Variants in SPOCK1 observed in about 807,000 individuals in gnomAD.
SPOCK1 encodes the protein SPARC (osteonectin), cwcv and kazal like domains proteoglycan 1.
In SPOCK1, 23 loss-of-function variants were observed where a neutral mutation model predicts 55.3. The observed-to-expected ratio is 0.42, with a 90% CI of 0.30 to 0.59. The LOEUF (loss-of-function observed/expected upper bound fraction) is 0.59. SPOCK1 is among the 20% of genes least tolerant of loss of function. SPOCK1 has a pLI of 0.22. For synonymous variants in SPOCK1, 226 were observed against 221.0 expected (o/e 1.02, Z -0.20); for missense variants, 499 against 552.5 (o/e 0.90, Z 0.97).
intron 4 of SPOCK1, among the ~76,000 whole-genome samples, chr5:137,134,213 T>TGAG (rs1753938638): frequency 6.6e-6 from 1 of 152,202 alleles, no homozygotes. Context: ...CAGACTGTTG[T>TGAG]GAGAAGTCAG....
At chr5:137,083,167 G>A (rs1264645869) in intron 5 of SPOCK1, among the ~76,000 whole-genome samples, 3 of 152,182 alleles carry the variant, frequency 2.0e-5, no homozygotes, top group Non-Finnish European at 4.4e-5. Flanking sequence ...TCACATTGTG[G>A]CGCCCTCATC....
At chr5:137,158,532 T>A (rs1208273393) in intron 3 of SPOCK1, among the ~76,000 whole-genome samples, 2 of 152,208 alleles carry the variant, frequency 1.3e-5, no homozygotes, top group African/African-American at 4.8e-5. Context: ...GGGCAAGTTA[T>A]CACACTGAAC....
At chr5:137,179,222 C>T (rs566589399) in intron 3 of SPOCK1, among the ~76,000 whole-genome samples, 40 of 152,270 alleles carry the variant, frequency 2.6e-4, no homozygotes, top group Admixed American at 1.4e-3. Flanking sequence ...GGTTTCTACC[C>T]ATATCCAGTG....
Position 136,977,830 on chromosome 5 carries a change from G to C in SPOCK1, c.*824C>G. On this transcript the variant is annotated 3_prime_UTR_variant, in exon 11 of 11. Coordinates refer to ENST00000394945, the MANE Select transcript of SPOCK1 (RefSeq NM_004598.4). ...TGCAGGCTACAAGAGCCAACTGTTA[G>C]TGCAAAAAAGGACTTTAATACAAAT... 1 of 398,874 alleles carries C rather than the reference G, an allele frequency of 2.5e-6. No homozygotes were observed. 24.7% of individuals were successfully genotyped at this position (398,874 alleles called of 1,614,324 possible). A position where few individuals can be genotyped will look rare whatever the true frequency, so the allele number is the denominator to read the frequency against.
chr5:137,069,114 A>G (rs1305559233), intron 5 of SPOCK1, among the ~76,000 whole-genome samples: 1 of 152,254 alleles, frequency 6.6e-6, no homozygotes, highest in African/African-American at 2.4e-5. Context: ...TTGCAAAGCC[A>G]CACACGAGTG....
At chr5:137,038,830 AC>A (rs1751933060) in intron 6 of SPOCK1, among the ~76,000 whole-genome samples, 1 of 152,120 alleles carries the variant, frequency 6.6e-6, no homozygotes, top group Non-Finnish European at 1.5e-5. Context: ...ATCAAGTTTC[AC>A]CCCTAGAAGG....
chr5:137,135,355 C>T (rs1162676747), intron 4 of SPOCK1, among the ~76,000 whole-genome samples: 7 of 152,200 alleles, frequency 4.6e-5, no homozygotes, highest in Non-Finnish European at 1.0e-4. Context: ...TCAGAACCAG[C>T]CATGCAGACT....
intron 2 of SPOCK1, among the ~76,000 whole-genome samples, chr5:137,394,627 C>A (rs1278067074): frequency 6.6e-6 from 1 of 152,208 alleles, no homozygotes; most frequent in Non-Finnish European, 1.5e-5. Flanking sequence ...CTTTGCAACT[C>A]TCCCATCTGA....
At chr5:137,479,073 T>C (rs930163974) in intron 2 of SPOCK1, among the ~76,000 whole-genome samples, 3 of 151,552 alleles carry the variant, frequency 2.0e-5, no homozygotes, top group Non-Finnish European at 2.9e-5. Flanking sequence ...CCGAGGTGTG[T>C]TCCCATTCAA....
intron 3 of SPOCK1, among the ~76,000 whole-genome samples, chr5:137,235,518 G>T (rs1756162178): frequency 6.6e-6 from 1 of 152,256 alleles, no homozygotes; most frequent in Non-Finnish European, 1.5e-5. Flanking sequence ...GATAAAGTGT[G>T]GCTACATGTT....
chr5:137,264,131 C>T (rs1756801772), intron 3 of SPOCK1, among the ~76,000 whole-genome samples: 1 of 152,100 alleles, frequency 6.6e-6, no homozygotes, highest in Non-Finnish European at 1.5e-5. Context: ...ATAAGTCTGA[C>T]CACCGGTGAC....
intron 3 of SPOCK1, among the ~76,000 whole-genome samples, chr5:137,248,362 C>A (rs1378262385): frequency 6.6e-6 from 1 of 152,154 alleles, no homozygotes; most frequent in South Asian, 2.1e-4. Flanking sequence ...TTGTTGAGCA[C>A]CTTTCTGCAC....
chr5:137,062,086 G>A (rs758942745), intron 6 of SPOCK1, among the ~76,000 whole-genome samples: 1 of 152,146 alleles, frequency 6.6e-6, no homozygotes, highest in Non-Finnish European at 1.5e-5. Flanking sequence ...ACCAGTGGTG[G>A]TCAAACTCTT....
At chr5:137,150,853 T>A (rs1422409451) in intron 3 of SPOCK1, among the ~76,000 whole-genome samples, 2 of 152,162 alleles carry the variant, frequency 1.3e-5, no homozygotes, top group South Asian at 2.1e-4. Context: ...GAGCCTCAGA[T>A]GAAGAGGTCA....
At chr5:137,065,112 C>A (rs1471084099) in intron 6 of SPOCK1, among the ~76,000 whole-genome samples, 2 of 151,546 alleles carry the variant, frequency 1.3e-5, no homozygotes, top group Non-Finnish European at 2.9e-5. Context: ...CCTCTACTCC[C>A]AGCTACTAGG....
intron 2 of SPOCK1, among the ~76,000 whole-genome samples, chr5:137,420,582 C>T (rs1421066936): frequency 5.9e-5 from 9 of 152,224 alleles, no homozygotes; most frequent in South Asian, 4.2e-4. Flanking sequence ...AGTTTATTTG[C>T]GTAGAGGTGT....
intron 2 of SPOCK1, among the ~76,000 whole-genome samples, chr5:137,466,675 A>G (rs1225544977): frequency 6.6e-6 from 1 of 152,248 alleles, no homozygotes; most frequent in Non-Finnish European, 1.5e-5. Context: ...TGAGGAATAC[A>G]TAAGAGTGTG....
intron 7 of SPOCK1, among the ~76,000 whole-genome samples, chr5:136,991,348 G>A (rs1483934003): frequency 1.3e-5 from 2 of 151,106 alleles, no homozygotes; most frequent in Admixed American, 6.6e-5. Context: ...TTTTCTTAAG[G>A]TAAAAGATCC....
intron 3 of SPOCK1, among the ~76,000 whole-genome samples, chr5:137,248,754 G>T (rs571578926): frequency 6.6e-6 from 1 of 152,246 alleles, no homozygotes. Context: ...GCTTAGTAAA[G>T]AAGCTGGAAT....
Sources: gnomAD v4.1 joint callset for allele counts (sites outside exome capture counted in the v4.1 genomes callset) on GRCh38, gnomAD v4.1.1 for gene constraint, MANE v1.5 for transcripts, NCBI Gene and HGNC (gene_info 2026-07-23, HGNC 2026-07-21) for gene names.